The following ABCB1 variants were observed in gnomAD, a reference collection of about 807,000 sequenced individuals.
The protein encoded by ABCB1 is ATP-dependent translocase ABCB1.
A neutral mutation model predicts 142.0 loss-of-function variants in ABCB1; 69 were observed. That is an observed-to-expected ratio of 0.49 (90% CI 0.40 to 0.59). The LOEUF is 0.59. Among genes scored for constraint, ABCB1 ranks in the 20% least tolerant of loss-of-function variants. The pLI is 0.00. For missense variants in ABCB1, 1,326 were observed against 1,554.7 expected (o/e 0.85, Z 2.47); for synonymous variants, 532 against 539.2 (o/e 0.99, Z 0.18).
chr7:87,705,724 T>G (rs1222044368), intron 1 of ABCB1, among the ~76,000 whole-genome samples: 2 of 152,204 alleles, frequency 1.3e-5, no homozygotes, highest in African/African-American at 4.8e-5. Flanking sequence ...CTGACTTATC[T>G]CATTCTTTTC....
chr7:87,521,393 G>A lies in ABCB1; in HGVS notation c.2686-517C>T, dbSNP rs955002112. 16 of 625,740 alleles carry A rather than the reference G, an allele frequency of 2.6e-5. No homozygotes were observed. The East Asian group carries it at 4.1e-4, about 16-fold the overall frequency. The allele number at this position is 625,740 out of a possible 1,614,324, so 38.8% of individuals were successfully genotyped here. ...GGCTTACTCCTCTCTGCCTGTGGACGCTTACCCCTTTCTGCCCGTGGACGC... is the reference window on the plus strand; with the variant it reads ...GGCTTACTCCTCTCTGCCTGTGGACACTTACCCCTTTCTGCCCGTGGACGC... On this transcript the variant is annotated intron_variant, in intron 21 of 27. Transcript: ENST00000622132.
chr7:87,647,985 C>A (rs930019818), intron 1 of ABCB1, among the ~76,000 whole-genome samples: 21 of 151,936 alleles, frequency 1.4e-4, no homozygotes, highest in Non-Finnish European at 2.8e-4. Context: ...GAAATCGAGA[C>A]CATCCTGGCT....
intron 24 of ABCB1, among the ~76,000 whole-genome samples, chr7:87,515,953 G>A (rs1321751680): frequency 6.6e-6 from 1 of 152,148 alleles, no homozygotes; most frequent in Non-Finnish European, 1.5e-5. Context: ...TTCATAGCAT[G>A]TATTGTTAAG....
intron 26 of ABCB1, among the ~76,000 whole-genome samples, chr7:87,507,467 C>A (rs959918058): frequency 1.1e-4 from 17 of 152,142 alleles, no homozygotes; most frequent in Non-Finnish European, 2.2e-4. Context: ...AACCACTATC[C>A]TCTCATCAGT....
At chr7:87,654,696 G>A (rs1823907382) in intron 1 of ABCB1, among the ~76,000 whole-genome samples, 1 of 151,914 alleles carries the variant, frequency 6.6e-6, no homozygotes. Context: ...GACACCACAA[G>A]CACAGGCAAC....
At chr7:87,508,312 T>C (rs959555749) in intron 26 of ABCB1, among the ~76,000 whole-genome samples, 21 of 152,180 alleles carry the variant, frequency 1.4e-4, no homozygotes, top group African/African-American at 5.1e-4. Context: ...CAAAACTTTG[T>C]TTCATGCTCA....
chr7:87,678,283 G>C (rs1250989253), intron 1 of ABCB1, among the ~76,000 whole-genome samples: 3 of 152,132 alleles, frequency 2.0e-5, no homozygotes, highest in Admixed American at 1.3e-4. Context: ...CAAAATTTAT[G>C]GCATTGCTGG....
In ABCB1 at chr7:87,600,818, G is replaced by A. The variant is rs1232677390; in HGVS notation, c.-70C>T. 2.0e-5 allele frequency: 3 copies of A among 152,938 alleles called. No homozygotes were observed. Among genetic ancestry groups the A allele is most frequent in the Non-Finnish European group, 2.9e-5 (2 of 68,634 alleles). 9.5% of individuals were successfully genotyped at this position (152,938 alleles called of 1,614,324 possible). On this transcript the variant is annotated 5_prime_UTR_variant, in exon 1 of 28. Transcript: ENST00000622132. ...TGGAAGAAGATACTCCGACTTTAGT[G>A]GAAAGACCTAAAGGAAACGAACAGC...
intron 1 of ABCB1, among the ~76,000 whole-genome samples, chr7:87,624,043 G>C (rs1026874956): frequency 6.6e-6 from 1 of 152,040 alleles, no homozygotes; most frequent in Non-Finnish European, 1.5e-5. Context: ...ATTTTATAGA[G>C]GAAATTAGCT....
intron 20 of ABCB1, 41 bp downstream of exon 20, chr7:87,536,417 T>C (rs1816295462): frequency 1.3e-6 from 2 of 1,597,634 alleles, no homozygotes; most frequent in Non-Finnish European, 1.7e-6. Context: ...GGGTCCAAAA[T>C]GGCCAATTAA....
chr7:87,664,068 A>G (rs1364199320), intron 1 of ABCB1, among the ~76,000 whole-genome samples: 1 of 152,118 alleles, frequency 6.6e-6, no homozygotes, highest in Non-Finnish European at 1.5e-5. Flanking sequence ...GCATTTATCA[A>G]TGTGTTGTAG....
At position 87,549,353 on chromosome 7, in the gene ABCB1, C is replaced by A. The variant is rs770568187; in HGVS notation, c.1720G>T (p.Asp574Tyr). 1.2e-6 allele frequency: 2 copies of A among 1,614,018 alleles called. No homozygotes were observed. Among genetic ancestry groups the A allele is most frequent in the African/African-American group, 1.3e-5 (1 of 74,912 alleles). The change falls in exon 14 of 28, where the codon GAT (aspartate) becomes TAT (tyrosine). Residue 574 changes from aspartate (D) to tyrosine (Y), a missense_variant. Asp to Tyr is a radical substitution (Grantham distance 160). Transcript: ENST00000622132. ...ESEAVVQVALDKARKGRTTIV... is the reference protein window; with the variant it reads ...ESEAVVQVALYKARKGRTTIV... Reference sequence around the variant, plus strand: ...TTGAACTAAGCCTCACTGACCTTATCCAGAGCCACCTGAACCACTGCTTCG... The same window carrying A: ...TTGAACTAAGCCTCACTGACCTTATACAGAGCCACCTGAACCACTGCTTCG...
At chr7:87,538,692 C>A (rs1342987428) in intron 19 of ABCB1, among the ~76,000 whole-genome samples, 1 of 152,194 alleles carries the variant, frequency 6.6e-6, no homozygotes, top group Non-Finnish European at 1.5e-5. Context: ...TTCCCCATTT[C>A]CCCAGGAAAA....
chr7:87,600,171 C>T lies in ABCB1; in HGVS notation c.14G>A (p.Gly5Glu). 3.7e-6 allele frequency: 6 copies of T among 1,614,116 alleles called. No homozygotes were observed. The highest frequency in any genetic ancestry group is 5.1e-6 in the Non-Finnish European group (6 of 1,179,958). Residue 5 changes from glycine (G) to glutamate (E), a missense_variant, in exon 2 of 28, where the codon GGG (glycine) becomes GAG (glutamate). Physicochemically the swap from Gly to Glu is moderately conservative, Grantham distance 98 (BLOSUM62 -2). Coordinates refer to ENST00000622132, the MANE Select transcript of ABCB1 (RefSeq NM_001348946.2). MDLE[G>E]DRNGGAKKKN... ...CTTCTTTGCTCCTCCATTGCGGTCC[C>T]CTTCAAGATCCATTCCGACCTGAAG...
At chr7:87,634,904 G>A (rs1480721270) in intron 1 of ABCB1, among the ~76,000 whole-genome samples, 1 of 152,138 alleles carries the variant, frequency 6.6e-6, no homozygotes, top group Non-Finnish European at 1.5e-5. Context: ...TGCGCACAAT[G>A]GAGGTAGGAT....
At chr7:87,668,317 G>A (rs561692197) in intron 1 of ABCB1, among the ~76,000 whole-genome samples, 79 of 152,010 alleles carry the variant, frequency 5.2e-4, no homozygotes, top group African/African-American at 1.9e-3. Context: ...TTGTTTCTGT[G>A]GGGTCAGTAG....
chr7:87,535,898 A>C (rs921906669), intron 20 of ABCB1, among the ~76,000 whole-genome samples: 1 of 152,242 alleles, frequency 6.6e-6, no homozygotes, highest in Admixed American at 6.5e-5. Context: ...GCCAAAAATC[A>C]AAACCTGCTG....
chr7:87,626,178 CAT>C (rs1218189677), intron 1 of ABCB1, among the ~76,000 whole-genome samples: 2 of 123,042 alleles, frequency 1.6e-5, no homozygotes, highest in Admixed American at 8.5e-5. Flanking sequence ...TATATATTGT[CAT>C]ATATATGTGT....
Position 87,626,359 on chromosome 7 carries a change from C to CGT in ABCB1, c.-330-25282_-330-25281insAC, listed in dbSNP as rs1563080443. Among the ~76,000 whole-genome samples the CGT allele has an allele frequency of 3.8e-4, 9 of 23,420 alleles. 2 individuals carry two copies. Among genetic ancestry groups the CGT allele is most frequent in the Non-Finnish European group, 2.4e-4 (4 of 16,352 alleles). The allele number at this position is 23,420 out of a possible 152,430, so 15.4% of individuals were successfully genotyped here. On this transcript the variant is annotated intron_variant, in intron 1 of 28. Coordinates refer to the ABCB1 transcript ENST00000265724. ...TCGTATATGTGTCATATATATGTGT[C>CGT]ATATATATGTGTCATATGTATGTGT... is the stretch of plus-strand genomic sequence containing the variant.
Sources: allele counts gnomAD v4.1 joint callset (sites outside exome capture counted in the v4.1 genomes callset), GRCh38; gene constraint gnomAD v4.1.1; transcripts MANE v1.5; gene names NCBI Gene and HGNC (gene_info 2026-07-23, HGNC 2026-07-21).